The following ITGAV variants were observed in gnomAD, a reference collection of about 807,000 sequenced individuals.
ITGAV encodes the protein integrin subunit alpha V, also known as integrin alpha-V.
Under a neutral mutation model 143.8 loss-of-function variants are expected in ITGAV, and 76 were observed. The observed-to-expected ratio is 0.53, with a 90% CI of 0.44 to 0.64. The LOEUF is 0.64. ITGAV is among the 30% of genes least tolerant of loss of function. The probability of loss-of-function intolerance (pLI) is 0.00; values close to 1 mark genes in which losing one functional copy is unlikely to be tolerated. For synonymous variants in ITGAV, 453 were observed against 446.7 expected (o/e 1.01, Z -0.18); for missense variants, 1,193 against 1,274.7 (o/e 0.94, Z 0.98).
intron 2 of ITGAV, among the ~76,000 whole-genome samples, chr2:186,609,412 G>C (rs1687154722): frequency 6.6e-6 from 1 of 152,078 alleles, no homozygotes. Flanking sequence ...AACTTTCTTA[G>C]CTTTTAAAGA....
At chr2:186,602,502 A>G (rs182625681) in intron 2 of ITGAV, among the ~76,000 whole-genome samples, 1 of 152,322 alleles carries the variant, frequency 6.6e-6, no homozygotes, top group East Asian at 1.9e-4. Flanking sequence ...TTCTCTGTCA[A>G]CCAAATTGAA....
intron 1 of ITGAV, among the ~76,000 whole-genome samples, chr2:186,598,316 C>CACACAG: frequency 6.6e-6 from 1 of 151,672 alleles, no homozygotes; most frequent in Admixed American, 6.6e-5. Context: ...CACACACACA[C>CACACAG]ACACACACAC....
chr2:186,608,945 T>C (rs988067846), intron 2 of ITGAV, among the ~76,000 whole-genome samples: 1 of 152,324 alleles, frequency 6.6e-6, no homozygotes, highest in African/African-American at 2.4e-5. Context: ...TTGCTGAATG[T>C]GGAGTAACAC....
chr2:186,622,075 T>C (rs1687541397), intron 2 of ITGAV, among the ~76,000 whole-genome samples: 1 of 152,214 alleles, frequency 6.6e-6, no homozygotes, highest in African/African-American at 2.4e-5. Context: ...TGGAAAACTT[T>C]ATTTACAATT....
chr2:186,663,929 G>A, intron 19 of ITGAV, 94 bp downstream of exon 19: 1 of 835,256 alleles, frequency 1.2e-6, no homozygotes, highest in Non-Finnish European at 2.0e-6. Context: ...ACGAGAATTA[G>A]TTATCCTGGA....
At chr2:186,605,170 T>TA (rs1414449021) in intron 2 of ITGAV, among the ~76,000 whole-genome samples, 5 of 152,182 alleles carry the variant, frequency 3.3e-5, no homozygotes, top group Non-Finnish European at 7.3e-5. Context: ...ATACTAGGTG[T>TA]AGAGAGCCAC....
intron 14 of ITGAV, among the ~76,000 whole-genome samples, chr2:186,650,087 A>G (rs912282235): frequency 1.5e-4 from 23 of 152,212 alleles, no homozygotes; most frequent in African/African-American, 5.5e-4. Flanking sequence ...GGTACATGTG[A>G]TATTTTGATA....
At chr2:186,613,148 C>CTTTTTTT (rs76180545) in intron 2 of ITGAV, among the ~76,000 whole-genome samples, 1 of 120,342 alleles carries the variant, frequency 8.3e-6, no homozygotes. Context: ...ATGGGATTGG[C>CTTTTTTT]TTTTTTTTTT....
intron 18 of ITGAV, 56 bp downstream of exon 18, chr2:186,659,231 A>G (rs112902895): frequency 2.6e-6 from 3 of 1,172,300 alleles, no homozygotes; most frequent in Non-Finnish European, 3.4e-6. Context: ...TTTACAATTC[A>G]TATTTTTAAA....
chr2:186,664,522 G>A lies in ITGAV; in HGVS notation c.1954G>A (p.Asp652Asn). The A allele has an allele frequency of 1.9e-6, 3 of 1,613,922 alleles. No individual in the cohort carries two copies. The highest frequency in any genetic ancestry group is 2.5e-6 in the Non-Finnish European group (3 of 1,179,866). Residue 652 changes from aspartate to asparagine, a missense_variant, in exon 20 of 30, where the codon GAC (aspartate) becomes AAC (asparagine). Coordinates refer to ENST00000261023, the MANE Select transcript of ITGAV (RefSeq NM_002210.5). Reference protein sequence around the residue: ...SDQKKIYIGDDNPLTLIVKAQ... With the variant: ...SDQKKIYIGDNNPLTLIVKAQ... Reference sequence around the variant, plus strand: ...TCAAAAGAAGATCTATATTGGGGATGACAACCCTCTGACATTGATTGTTAA... The same window carrying A: ...TCAAAAGAAGATCTATATTGGGGATAACAACCCTCTGACATTGATTGTTAA...
rs1168397932 is a variant in ITGAV at position 186,680,708 on chromosome 2, A to G, written c.*3416A>G. On this transcript the variant is annotated 3_prime_UTR_variant, in exon 30 of 30. Coordinates refer to ENST00000261023, the MANE Select transcript of ITGAV (RefSeq NM_002210.5). ...ACTTGGAAGCTGTGTAGTATATCAA[A>G]TTAATTTGCTACCTAATAACATAGA... 6.6e-6 allele frequency: 1 copy of G among 152,642 alleles called. No homozygotes were observed. Among genetic ancestry groups the G allele is most frequent in the Non-Finnish European group, 1.5e-5 (1 of 68,020 alleles). The allele number at this position is 152,642 out of a possible 1,614,324, so 9.5% of individuals were successfully genotyped here. A position where few individuals can be genotyped will look rare whatever the true frequency, so the allele number is the denominator to read the frequency against.
intron 17 of ITGAV, among the ~76,000 whole-genome samples, chr2:186,656,639 T>C (rs1203562533): frequency 6.6e-6 from 1 of 152,142 alleles, no homozygotes; most frequent in Admixed American, 6.6e-5. Flanking sequence ...GATAAACATA[T>C]TTCTTAAATG....
chr2:186,622,712 AT>A (rs1687565315), intron 3 of ITGAV, among the ~76,000 whole-genome samples: 1 of 152,140 alleles, frequency 6.6e-6, no homozygotes, highest in Non-Finnish European at 1.5e-5. Flanking sequence ...AAGTATAGGA[AT>A]AGTGTGGCTT....
intron 2 of ITGAV, among the ~76,000 whole-genome samples, chr2:186,619,409 G>C (rs1018449225): frequency 1.3e-5 from 2 of 152,164 alleles, no homozygotes; most frequent in Non-Finnish European, 2.9e-5. Flanking sequence ...AAGGTAGGGA[G>C]AATGGGAAAA....
At chr2:186,635,979 C>A in intron 6 of ITGAV, 103 bp from the exon 7 acceptor site, 1 of 874,690 alleles carries the variant, frequency 1.1e-6, no homozygotes, top group Non-Finnish European at 1.7e-6. Context: ...ATTAGAAGTA[C>A]TAATATCTAA....
intron 25 of ITGAV, 29 bp downstream of exon 25, chr2:186,668,949 A>G: frequency 5.3e-6 from 8 of 1,512,754 alleles, no homozygotes; most frequent in African/African-American, 1.4e-5. Flanking sequence ...GCTCTTCATT[A>G]CAATGATATT....
At chr2:186,661,604 T>G (rs5011663) in intron 18 of ITGAV, among the ~76,000 whole-genome samples, 39,030 of 102,512 alleles carry the variant, frequency 0.38, 6,206 homozygotes, top group Non-Finnish European at 0.46. Context: ...TTTTGTTTTT[T>G]TTTTTTTTTT....
chr2:186,593,922 A>G (rs1212039383), intron 1 of ITGAV, among the ~76,000 whole-genome samples: 1 of 152,228 alleles, frequency 6.6e-6, no homozygotes, highest in Non-Finnish European at 1.5e-5. Flanking sequence ...TATATGTTAT[A>G]CAGTTCTCAT....
At chr2:186,665,732 A>G (rs1352073268) in intron 21 of ITGAV, among the ~76,000 whole-genome samples, 1 of 152,220 alleles carries the variant, frequency 6.6e-6, no homozygotes. Flanking sequence ...AACAAAATAT[A>G]CCTTGTAGAA....
Sources: allele counts gnomAD v4.1 joint callset (sites outside exome capture counted in the v4.1 genomes callset), GRCh38; gene constraint gnomAD v4.1.1; transcripts MANE v1.5; gene names NCBI Gene and HGNC (gene_info 2026-07-23, HGNC 2026-07-21).